The following ZDHHC21 variants were observed in gnomAD, a reference collection of about 807,000 sequenced individuals.
ZDHHC21 encodes zDHHC palmitoyltransferase 21, also known as palmitoyltransferase ZDHHC21.
Under a neutral mutation model 34.6 loss-of-function variants are expected in ZDHHC21, and 15 were observed. The ratio of observed to expected loss-of-function variants is 0.43; its 90% CI spans 0.29 to 0.67. The LOEUF is 0.67. ZDHHC21 is among the 30% of genes least tolerant of loss of function. The pLI is 0.14. For missense variants in ZDHHC21, 344 were observed against 327.7 expected (o/e 1.05, Z -0.38); for synonymous variants, 142 against 101.8 (o/e 1.40, Z -2.38).
chr9:14,661,709 C>G (rs975882288), intron 6 of ZDHHC21, among the ~76,000 whole-genome samples: 1 of 152,190 alleles, frequency 6.6e-6, no homozygotes, highest in Non-Finnish European at 1.5e-5. Flanking sequence ...TTATCACTCA[C>G]ATACTTCCAA....
chr9:14,630,894 C>T, intron 8 of ZDHHC21, among the ~76,000 whole-genome samples: 1 of 152,204 alleles, frequency 6.6e-6, no homozygotes, highest in East Asian at 1.9e-4. Flanking sequence ...ACAGATGTGG[C>T]TGTCACTTAG....
chr9:14,659,796 A>G (rs1833013177), intron 6 of ZDHHC21, among the ~76,000 whole-genome samples: 1 of 152,230 alleles, frequency 6.6e-6, no homozygotes, highest in South Asian at 2.1e-4. Context: ...TTAAGATTTA[A>G]GAGTGCATGT....
At chr9:14,630,922 C>T (rs935741171) in intron 8 of ZDHHC21, among the ~76,000 whole-genome samples, 1 of 152,184 alleles carries the variant, frequency 6.6e-6, no homozygotes, top group South Asian at 2.1e-4. Flanking sequence ...TTTTCCATTT[C>T]TAGGGCAAAG....
intron 6 of ZDHHC21, among the ~76,000 whole-genome samples, chr9:14,659,405 A>G (rs1832948411): frequency 6.6e-6 from 1 of 152,206 alleles, no homozygotes; most frequent in African/African-American, 2.4e-5. Context: ...GGTTGCTGAA[A>G]ATAAAAATGT....
chr9:14,670,726 A>C (rs1394604646), intron 5 of ZDHHC21, among the ~76,000 whole-genome samples: 1 of 152,142 alleles, frequency 6.6e-6, no homozygotes, highest in African/African-American at 2.4e-5. Context: ...AAAAACTCAC[A>C]GTTTCACATA....
Position 14,618,914 on chromosome 9 carries a change from C to A in ZDHHC21, c.*52G>T. ...TGTCATAGTTCTATTATCATAAAAC[C>A]TGTAACGCATTGCCAGCATGGAGGA... is the stretch of plus-strand genomic sequence containing the variant. On this transcript the variant is annotated 3_prime_UTR_variant, in exon 10 of 10. Transcript: ENST00000380916. 6.6e-7 allele frequency: 1 copy of A among 1,516,832 alleles called. No individual in the cohort carries two copies. The allele number at this position is 1,516,832 out of a possible 1,614,324, so 94.0% of individuals were successfully genotyped here. A position where few individuals can be genotyped will look rare whatever the true frequency, so the allele number is the denominator to read the frequency against.
At chr9:14,677,976 T>A (rs1003472017) in intron 3 of ZDHHC21, among the ~76,000 whole-genome samples, 14 of 152,204 alleles carry the variant, frequency 9.2e-5, no homozygotes, top group African/African-American at 3.4e-4. Flanking sequence ...AACACGTATG[T>A]CTATGCTTAC....
chr9:14,602,502 A>C, the ZDHHC21 span, among the ~76,000 whole-genome samples: 101 of 152,192 alleles, frequency 6.6e-4, 2 homozygotes, highest in East Asian at 0.017. Flanking sequence ...CAAGTATATT[A>C]AACCTGAACA....
intron 8 of ZDHHC21, among the ~76,000 whole-genome samples, chr9:14,626,544 C>T (rs1386700380): frequency 1.3e-5 from 2 of 151,772 alleles, no homozygotes; most frequent in African/African-American, 4.8e-5. Flanking sequence ...TTACACTGAG[C>T]AAACAGAAAT....
At chr9:14,591,795 A>C in the ZDHHC21 span, among the ~76,000 whole-genome samples, 4 of 152,176 alleles carry the variant, frequency 2.6e-5, no homozygotes, top group Admixed American at 2.6e-4. Context: ...CTTTCAGTAT[A>C]TCTCTTATAA....
At chr9:14,678,656 T>C (rs979421620) in intron 3 of ZDHHC21, among the ~76,000 whole-genome samples, 2 of 152,096 alleles carry the variant, frequency 1.3e-5, no homozygotes, top group African/African-American at 2.4e-5. Context: ...CACAGCAGTT[T>C]TATTTTTAGT....
downstream of ZDHHC21, among the ~76,000 whole-genome samples, chr9:14,608,579 T>C (rs1381413826): frequency 6.6e-6 from 1 of 152,108 alleles, no homozygotes; most frequent in African/African-American, 2.4e-5. Context: ...GGGGCCTAAT[T>C]TGAAAATACT....
intron 7 of ZDHHC21, among the ~76,000 whole-genome samples, chr9:14,647,197 C>T (rs931820174): frequency 1.3e-5 from 2 of 151,948 alleles, no homozygotes; most frequent in African/African-American, 4.8e-5. Flanking sequence ...AATAATATTC[C>T]TATACTCCTA....
chr9:14,600,847 C>T, the ZDHHC21 span, among the ~76,000 whole-genome samples: 1 of 152,216 alleles, frequency 6.6e-6, no homozygotes, highest in Non-Finnish European at 1.5e-5. Context: ...AACAACGCCA[C>T]ACATCTACAA....
intron 7 of ZDHHC21, among the ~76,000 whole-genome samples, chr9:14,656,804 T>A (rs1832312219): frequency 6.6e-6 from 1 of 151,866 alleles, no homozygotes; most frequent in Non-Finnish European, 1.5e-5. Flanking sequence ...ATTATTATGA[T>A]TTTTATTTAA....
At chr9:14,602,627 C>T in the ZDHHC21 span, among the ~76,000 whole-genome samples, 1 of 152,132 alleles carries the variant, frequency 6.6e-6, no homozygotes, top group East Asian at 1.9e-4. Context: ...AAATCCCCAT[C>T]AGACAAACAG....
chr9:14,657,645 C>T (rs763431464), intron 7 of ZDHHC21, among the ~76,000 whole-genome samples: 8 of 152,044 alleles, frequency 5.3e-5, no homozygotes, highest in Non-Finnish European at 1.0e-4. Flanking sequence ...AGCTGTTTTC[C>T]AGTAAAACTT....
intron 8 of ZDHHC21, among the ~76,000 whole-genome samples, chr9:14,629,187 G>A (rs1826865143): frequency 1.3e-5 from 2 of 152,140 alleles, no homozygotes; most frequent in South Asian, 4.1e-4. Context: ...GCAGTGTCTG[G>A]TACAGTGCTC....
chr9:14,634,057 C>A (rs879348627), intron 8 of ZDHHC21, among the ~76,000 whole-genome samples: 2 of 152,184 alleles, frequency 1.3e-5, no homozygotes, highest in Non-Finnish European at 2.9e-5. Flanking sequence ...AGTACCCAAG[C>A]ACACTGTCCA....
Sources: allele counts gnomAD v4.1 joint callset (sites outside exome capture counted in the v4.1 genomes callset), GRCh38; gene constraint gnomAD v4.1.1; transcripts MANE v1.5; gene names NCBI Gene and HGNC (gene_info 2026-07-23, HGNC 2026-07-21).